The following PDGFC variants were observed in gnomAD, a reference collection of about 807,000 sequenced individuals.
The protein encoded by PDGFC is platelet-derived growth factor C.
Under a neutral mutation model 35.5 loss-of-function variants are expected in PDGFC, and 12 were observed. The observed-to-expected ratio is 0.34, with a 90% CI of 0.22 to 0.55. The LOEUF is 0.55. Among genes scored for constraint, PDGFC ranks in the 20% least tolerant of loss-of-function variants. The pLI is 0.91. For synonymous variants in PDGFC, 159 were observed against 148.8 expected (o/e 1.07, Z -0.50); for missense variants, 322 against 412.4 (o/e 0.78, Z 1.90).
At chr4:156,879,648 G>A (rs2111166453) in intron 1 of PDGFC, among the ~76,000 whole-genome samples, 1 of 152,136 alleles carries the variant, frequency 6.6e-6, no homozygotes, top group Middle Eastern at 3.4e-3. Context: ...CCCTAAAACA[G>A]GATTTATGGA....
intron 1 of PDGFC, among the ~76,000 whole-genome samples, chr4:156,917,469 G>A (rs1011825208): frequency 6.6e-6 from 1 of 152,134 alleles, no homozygotes; most frequent in Non-Finnish European, 1.5e-5. Context: ...CCCACTGTGT[G>A]GAAGCCTTTC....
intron 3 of PDGFC, among the ~76,000 whole-genome samples, chr4:156,789,571 T>A (rs1731232494): frequency 6.6e-6 from 1 of 152,180 alleles, no homozygotes; most frequent in South Asian, 2.1e-4. Context: ...ATCTAGCTGC[T>A]TTTATTGAAA....
intron 3 of PDGFC, among the ~76,000 whole-genome samples, chr4:156,792,388 T>A (rs1289876028): frequency 6.6e-6 from 1 of 151,782 alleles, no homozygotes; most frequent in East Asian, 1.9e-4. Context: ...TGGAATTGAG[T>A]TAGAATGTAA....
At chr4:156,887,071 C>T (rs1355424694) in intron 1 of PDGFC, among the ~76,000 whole-genome samples, 1 of 152,032 alleles carries the variant, frequency 6.6e-6, no homozygotes, top group African/African-American at 2.4e-5. Flanking sequence ...CCATATGAGC[C>T]ACTATTAACA....
intron 1 of PDGFC, among the ~76,000 whole-genome samples, chr4:156,877,434 G>A (rs1043706790): frequency 6.6e-6 from 1 of 152,016 alleles, no homozygotes; most frequent in Non-Finnish European, 1.5e-5. Flanking sequence ...CTAAATAATT[G>A]TAAGTCAATC....
chr4:156,904,911 T>C (rs761301265), intron 1 of PDGFC, among the ~76,000 whole-genome samples: 70 of 152,136 alleles, frequency 4.6e-4, no homozygotes, highest in Non-Finnish European at 8.7e-4. Flanking sequence ...ATTGCTGGCA[T>C]ATAATATTTG....
intron 3 of PDGFC, among the ~76,000 whole-genome samples, chr4:156,805,775 C>A (rs906142130): frequency 6.6e-6 from 1 of 151,978 alleles, no homozygotes; most frequent in Non-Finnish European, 1.5e-5. Context: ...AATATCCTCC[C>A]TCCTCTTTTC....
chr4:156,813,636 A>G (rs1341378137), intron 2 of PDGFC, among the ~76,000 whole-genome samples: 1 of 152,106 alleles, frequency 6.6e-6, no homozygotes, highest in African/African-American at 2.4e-5. Flanking sequence ...AGGGTGGGAA[A>G]CAAAAATCAG....
chr4:156,864,734 T>C (rs1729793767), intron 1 of PDGFC, among the ~76,000 whole-genome samples: 1 of 152,090 alleles, frequency 6.6e-6, no homozygotes, highest in South Asian at 2.1e-4. Context: ...GACAGAAGAA[T>C]ATAATGATGA....
chr4:156,965,589 A>G lies in PDGFC; in HGVS notation c.118+5197T>C, dbSNP rs1312872728. ...GATGAAGGGAAGGTGTTATCCATGC[A>G]AGAGCAGCTGGTTAGTGTTAGCCAG... On this transcript the variant is annotated intron_variant, in intron 1 of 5. Transcript: ENST00000502773. 2.0e-5 allele frequency among the ~76,000 whole-genome samples: 3 copies of G among 152,110 alleles called. No homozygotes were observed. In the East Asian group the frequency reaches 5.8e-4, roughly 29 times the overall value.
intron 1 of PDGFC, among the ~76,000 whole-genome samples, chr4:156,939,137 T>G (rs977055687): frequency 6.6e-6 from 1 of 152,080 alleles, no homozygotes; most frequent in African/African-American, 2.4e-5. Context: ...CTATTATTAA[T>G]TAACTAAAGA....
At chr4:156,820,766 A>T (rs1732230378) in intron 2 of PDGFC, among the ~76,000 whole-genome samples, 1 of 152,224 alleles carries the variant, frequency 6.6e-6, no homozygotes, top group Non-Finnish European at 1.5e-5. Flanking sequence ...CAATATAATA[A>T]AATCAACAAC....
At chr4:156,773,383 A>C (rs558035173) in intron 3 of PDGFC, among the ~76,000 whole-genome samples, 2 of 152,310 alleles carry the variant, frequency 1.3e-5, no homozygotes, top group East Asian at 3.9e-4. Context: ...TTATTAATCA[A>C]GATAGAAAAT....
chr4:156,890,593 G>C (rs568587178), intron 1 of PDGFC, among the ~76,000 whole-genome samples: 1 of 152,154 alleles, frequency 6.6e-6, no homozygotes, highest in East Asian at 1.9e-4. Flanking sequence ...TCCTACCCAG[G>C]CTACCGGGGT....
chr4:156,837,662 T>C (rs147667766), intron 2 of PDGFC, among the ~76,000 whole-genome samples: 50 of 152,212 alleles, frequency 3.3e-4, no homozygotes, highest in African/African-American at 1.2e-3. Flanking sequence ...ACTCTTCTAA[T>C]TGATGCAAGG....
intron 1 of PDGFC, among the ~76,000 whole-genome samples, chr4:156,901,556 CGAGA>C (rs1359514814): frequency 6.6e-6 from 1 of 151,048 alleles, no homozygotes; most frequent in African/African-American, 2.4e-5. Flanking sequence ...ATATTGGTAG[CGAGA>C]GAGAGAGAGC....
At chr4:156,903,205 T>G (rs1373569810) in intron 1 of PDGFC, among the ~76,000 whole-genome samples, 1 of 151,824 alleles carries the variant, frequency 6.6e-6, no homozygotes, top group Non-Finnish European at 1.5e-5. Context: ...TGTAGTGACA[T>G]GAAATATTAA....
chr4:156,921,972 G>T (rs1300747252), intron 1 of PDGFC, among the ~76,000 whole-genome samples: 1 of 152,058 alleles, frequency 6.6e-6, no homozygotes, highest in African/African-American at 2.4e-5. Flanking sequence ...CTGCTTAATT[G>T]TGCAAATATT....
intron 1 of PDGFC, among the ~76,000 whole-genome samples, chr4:156,921,606 C>G (rs988899522): frequency 1.3e-5 from 2 of 152,040 alleles, no homozygotes; most frequent in African/African-American, 4.8e-5. Flanking sequence ...CAAGCCAAGA[C>G]ACAGAAATAT....
Sources: gnomAD v4.1 joint callset for allele counts (sites outside exome capture counted in the v4.1 genomes callset) on GRCh38, gnomAD v4.1.1 for gene constraint, MANE v1.5 for transcripts, NCBI Gene and HGNC (gene_info 2026-07-23, HGNC 2026-07-21) for gene names.